Variants in THSD7A observed in about 807,000 individuals in gnomAD.
THSD7A encodes the protein thrombospondin type 1 domain containing 7A, also known as thrombospondin type-1 domain-containing protein 7A.
Under a neutral mutation model 231.3 loss-of-function variants are expected in THSD7A, and 96 were observed. The ratio of observed to expected loss-of-function variants is 0.41; its 90% confidence interval spans 0.35 to 0.49. The LOEUF is 0.49. THSD7A is among the 20% of genes least tolerant of loss of function. The pLI is 0.05. For missense variants in THSD7A, 2,290 were observed against 2,070.2 expected, an observed-to-expected ratio of 1.11 and a Z score of -2.06; for synonymous variants, 940 against 743.3, an observed-to-expected ratio of 1.26 and a Z score of -4.30.
At chr7:11,681,150 A>G (rs1411121317) in intron 1 of THSD7A, among the ~76,000 whole-genome samples, 4 of 152,040 alleles carry the variant, frequency 2.6e-5, no homozygotes, top group African/African-American at 7.2e-5. Flanking sequence ...GAGTTGAACA[A>G]TGAGAACATA....
Position 11,593,469 on chromosome 7 carries a change from G to A in THSD7A, c.1056C>T (p.Phe352=), listed in dbSNP as rs1326428947. 1.2e-6 allele frequency: 2 copies of A among 1,613,996 alleles called. No individual in the cohort carries two copies. Among genetic ancestry groups the A allele is most frequent in the South Asian group, 2.2e-5 (2 of 91,080 alleles). The change falls in exon 3 of 28, where the codon TTC becomes TTT. Residue 352 remains phenylalanine (F), a synonymous_variant. Transcript: ENST00000423059. ...ACTCTTTGGTGATCACACAGGACTG[G>A]AAGGTCATTGGAAGCTTCTCTTGCT... ...FCQQEKLPMT[F]QSCVITKECQ...
rs568333676 is a variant in THSD7A, at chr7:11,448,511, T to C, written c.2606-1087A>G. ...TGGTCTAGGCTGAAACTGCCGCTGA[T>C]CTCTGCCCTGTTCAGGATTCCATCA... On this transcript the variant is annotated intron_variant, in intron 11 of 27. Coordinates refer to ENST00000423059, the MANE Select transcript of THSD7A (RefSeq NM_015204.3). Among the ~76,000 whole-genome samples the C allele has an allele frequency of 2.0e-5, 3 of 152,246 alleles. No individual in the cohort carries two copies. The South Asian group carries it at 6.2e-4, about 32-fold the overall frequency.
intron 2 of THSD7A, among the ~76,000 whole-genome samples, chr7:11,613,960 G>A (rs1365325680): frequency 1.3e-5 from 2 of 152,096 alleles, no homozygotes; most frequent in Non-Finnish European, 2.9e-5. Flanking sequence ...AAAGCAATAC[G>A]ATGACCATAA....
chr7:11,546,202 G>GCGCGCGCACACACACACACA (rs761841418), intron 4 of THSD7A, among the ~76,000 whole-genome samples: 62 of 129,442 alleles, frequency 4.8e-4, no homozygotes, highest in African/African-American at 1.5e-3. Context: ...GTGGGCGCGC[G>GCGCGCGCACACACACACACA]CTCACACACA....
rs569925903 is a variant in THSD7A at position 11,744,053 on chromosome 7, T to C, written c.190+87704A>G. On this transcript the variant is annotated intron_variant, in intron 1 of 27. Transcript: ENST00000423059. The stretch of plus-strand genomic sequence containing the variant: ...CCATATAGCAATTTCGTGGTTCTTA[T>C]GTTATTTCCTTCTAGAGATGCCCTG... Among the ~76,000 whole-genome samples, 127 of 152,032 alleles carry C rather than the reference T, an allele frequency of 8.4e-4. No homozygotes were observed. The South Asian group carries it at 0.011, about 13-fold the overall frequency.
At chr7:11,391,187 C>T (rs1470300726) in intron 23 of THSD7A, among the ~76,000 whole-genome samples, 1 of 152,212 alleles carries the variant, frequency 6.6e-6, no homozygotes, top group Admixed American at 6.5e-5. Context: ...GCCTAAGCTG[C>T]ACTCACAGTG....
chr7:11,608,174 T>C (rs1780799178), intron 2 of THSD7A, among the ~76,000 whole-genome samples: 1 of 152,260 alleles, frequency 6.6e-6, no homozygotes, highest in South Asian at 2.1e-4. Flanking sequence ...AAATACTACC[T>C]ACCACACTTC....
chr7:11,538,979 A>T (rs781768984), intron 6 of THSD7A, among the ~76,000 whole-genome samples: 1 of 152,194 alleles, frequency 6.6e-6, no homozygotes, highest in Non-Finnish European at 1.5e-5. Flanking sequence ...TGGGAGCAAA[A>T]AAGTCTTTTT....
At chr7:11,783,554 G>C (rs1389623337) in intron 1 of THSD7A, among the ~76,000 whole-genome samples, 1 of 152,144 alleles carries the variant, frequency 6.6e-6, no homozygotes, top group African/African-American at 2.4e-5. Flanking sequence ...ACTGGCCACT[G>C]TTTAACAACT....
intron 23 of THSD7A, among the ~76,000 whole-genome samples, chr7:11,391,340 T>G (rs1782973438): frequency 6.6e-6 from 1 of 152,238 alleles, no homozygotes; most frequent in South Asian, 2.1e-4. Context: ...ACAGCAGACT[T>G]GCTGAGCTGT....
chr7:11,710,661 T>A (rs1012932320), intron 1 of THSD7A, among the ~76,000 whole-genome samples: 1 of 150,862 alleles, frequency 6.6e-6, no homozygotes, highest in East Asian at 2.0e-4. Context: ...GCATGATTGA[T>A]TGAAGTTTGC....
chr7:11,480,891 A>G (rs1383095784), intron 7 of THSD7A, among the ~76,000 whole-genome samples: 1 of 150,830 alleles, frequency 6.6e-6, no homozygotes, highest in Non-Finnish European at 1.5e-5. Context: ...TGCTTATTAC[A>G]AATAGAAATA....
chr7:11,737,515 A>T (rs980330960), intron 1 of THSD7A, among the ~76,000 whole-genome samples: 3 of 152,034 alleles, frequency 2.0e-5, no homozygotes, highest in Non-Finnish European at 4.4e-5. Flanking sequence ...TCCTGGAATC[A>T]GTAGATATTT....
At chr7:11,639,285 G>C (rs911232677) in intron 1 of THSD7A, among the ~76,000 whole-genome samples, 6 of 152,142 alleles carry the variant, frequency 3.9e-5, no homozygotes, top group Non-Finnish European at 8.8e-5. Context: ...TATCCTCAGA[G>C]TGTAAACAAA....
intron 11 of THSD7A, among the ~76,000 whole-genome samples, chr7:11,453,343 G>C (rs569061053): frequency 1.4e-5 from 2 of 147,752 alleles, no homozygotes; most frequent in South Asian, 4.3e-4. Flanking sequence ...TTTTTTTAAG[G>C]ACTCTCCTTT....
At chr7:11,748,060 T>G (rs967328909) in intron 1 of THSD7A, among the ~76,000 whole-genome samples, 1 of 151,892 alleles carries the variant, frequency 6.6e-6, no homozygotes, top group African/African-American at 2.4e-5. Flanking sequence ...GAATTCTAAA[T>G]AGGGAAGTTA....
chr7:11,557,698 T>C (rs780599015), intron 4 of THSD7A, among the ~76,000 whole-genome samples: 9 of 152,160 alleles, frequency 5.9e-5, no homozygotes, highest in African/African-American at 1.9e-4. Flanking sequence ...TTAACCTCCA[T>C]TGATAACAAA....
At chr7:11,390,468 G>A (rs1457237972) in intron 23 of THSD7A, among the ~76,000 whole-genome samples, 3 of 152,114 alleles carry the variant, frequency 2.0e-5, no homozygotes, top group African/African-American at 7.2e-5. Flanking sequence ...CATTTATGTT[G>A]TTATCTAAAC....
At position 11,637,592 on chromosome 7, in the gene THSD7A, C is replaced by G. The variant is rs939165358; in HGVS notation, c.191-631G>C. On this transcript the variant is annotated intron_variant, in intron 1 of 27. Coordinates refer to ENST00000423059, the MANE Select transcript of THSD7A (RefSeq NM_015204.3). This position sits in a 1 kb window ranked among gnomAD's most constrained non-coding sequence, Gnocchi z 4.2. The stretch of plus-strand genomic sequence containing the variant: ...GCCTTTAAATTTACCAAATTTCCCC[C>G]CCATTTCCCAAGTGAAGTATAGAGC... Among the ~76,000 whole-genome samples, 1 of 152,132 alleles carries G rather than the reference C, an allele frequency of 6.6e-6. No individual in the cohort carries two copies. Among genetic ancestry groups the G allele is most frequent in the Non-Finnish European group, 1.5e-5 (1 of 68,026 alleles).
Sources: gnomAD v4.1 joint callset for allele counts (sites outside exome capture counted in the v4.1 genomes callset) on GRCh38, gnomAD v4.1.1 for gene constraint, Gnocchi (gnomAD v3.1) non-coding constraint, MANE v1.5 for transcripts, NCBI Gene and HGNC (gene_info 2026-07-23, HGNC 2026-07-21) for gene names.